Variants in COL4A2 observed in about 807,000 individuals in gnomAD.
The protein encoded by COL4A2 is collagen alpha-2(IV) chain.
In COL4A2, 99 loss-of-function variants were observed where a neutral mutation model predicts 200.2. That is an observed-to-expected ratio of 0.49 (90% CI 0.42 to 0.58). The LOEUF (loss-of-function observed/expected upper bound fraction) is 0.58. COL4A2 is among the 20% of genes least tolerant of loss of function. The pLI is 0.00. For synonymous variants in COL4A2, 897 were observed against 900.6 expected, an observed-to-expected ratio of 1.00 and a Z score of 0.07; for missense variants, 1,950 against 2,314.1, an observed-to-expected ratio of 0.84 and a Z score of 3.23.
intron 14 of COL4A2, among the ~76,000 whole-genome samples, chr13:110,438,376 C>T (rs1880980550): frequency 6.6e-6 from 1 of 152,246 alleles, no homozygotes; most frequent in Non-Finnish European, 1.5e-5. Context: ...CTCCAGCTCT[C>T]CCTCGCGGTC....
chr13:110,483,361 A>G (rs925746848), intron 32 of COL4A2, among the ~76,000 whole-genome samples: 10 of 152,254 alleles, frequency 6.6e-5, no homozygotes, highest in African/African-American at 1.9e-4. Context: ...CAGTTCATTA[A>G]GAAACTAAGC....
At chr13:110,422,480 G>A (rs959734536) in intron 4 of COL4A2, among the ~76,000 whole-genome samples, 4 of 152,202 alleles carry the variant, frequency 2.6e-5, no homozygotes, top group Non-Finnish European at 5.9e-5. Context: ...ACACTAAAGT[G>A]CACAAGCTTC....
intron 20 of COL4A2, among the ~76,000 whole-genome samples, chr13:110,453,667 G>A (rs1415999771): frequency 6.6e-6 from 1 of 152,196 alleles, no homozygotes; most frequent in Non-Finnish European, 1.5e-5. Context: ...TAAGTCAACT[G>A]CGAACAATTT....
At position 110,449,699 on chromosome 13, in the gene COL4A2, T is replaced by G; in HGVS notation, c.1099T>G (p.Phe367Val). ...TCCAGGTGCCAGAGGTGACCCGGGA[T>G]TCCCAGGGGCCCAAGGGGAGCCAGG... ...LAKGARGDPG[F>V]PGAQGEPGSQ... Residue 367 changes from phenylalanine (F) to valine (V), a missense_variant, in exon 19 of 48, where the codon TTC (phenylalanine) becomes GTC (valine). Transcript: ENST00000360467. 6.5e-7 allele frequency: 1 copy of G among 1,548,866 alleles called. No homozygotes were observed. The highest frequency in any genetic ancestry group is 1.2e-5 in the South Asian group (1 of 83,986).
chr13:110,469,016 T>C (rs930655208), intron 27 of COL4A2, among the ~76,000 whole-genome samples: 1 of 152,194 alleles, frequency 6.6e-6, no homozygotes, highest in Admixed American at 6.5e-5. Flanking sequence ...ATTATCATTC[T>C]TATGGTTCCA....
chr13:110,381,808 T>A (rs1878504153), intron 4 of COL4A2, among the ~76,000 whole-genome samples: 1 of 152,194 alleles, frequency 6.6e-6, no homozygotes. Flanking sequence ...CGCATCATCA[T>A]CTTCATATCA....
At chr13:110,376,374 A>G (rs1015183195) in intron 4 of COL4A2, among the ~76,000 whole-genome samples, 1 of 151,988 alleles carries the variant, frequency 6.6e-6, no homozygotes, top group Non-Finnish European at 1.5e-5. Context: ...TTGATATCAC[A>G]TGAGCCTCTG....
intron 4 of COL4A2, among the ~76,000 whole-genome samples, chr13:110,373,698 T>A (rs908508806): frequency 1.3e-5 from 2 of 152,254 alleles, no homozygotes; most frequent in Non-Finnish European, 2.9e-5. Flanking sequence ...TGTGAGGACG[T>A]AGAAATCCAG....
intron 4 of COL4A2, among the ~76,000 whole-genome samples, chr13:110,420,014 G>A (rs1880186909): frequency 6.6e-6 from 1 of 152,190 alleles, no homozygotes; most frequent in South Asian, 2.1e-4. Flanking sequence ...TCGTGCATTG[G>A]TTCTCAAACT....
intron 33 of COL4A2, 87 bp downstream of exon 33, chr13:110,485,114 G>T: frequency 8.2e-7 from 1 of 1,220,730 alleles, no homozygotes; most frequent in Non-Finnish European, 1.1e-6. Flanking sequence ...CCCCAGAGAC[G>T]CCCGTGCCCT....
At chr13:110,460,629 G>A (rs1275791685) in intron 22 of COL4A2, among the ~76,000 whole-genome samples, 1 of 152,210 alleles carries the variant, frequency 6.6e-6, no homozygotes, top group African/African-American at 2.4e-5. Flanking sequence ...TGTGCCTGGT[G>A]TCCTGCACTG....
At position 110,503,969 on chromosome 13, in the gene COL4A2, C is replaced by A; in HGVS notation, c.4261C>A (p.Pro1421Thr). Residue 1421 changes from proline to threonine, a missense_variant, in exon 44 of 48, where the codon CCC becomes ACC. By Grantham distance (38) the Pro-to-Thr change is conservative. Around this residue, in one of 2 missense-constraint regions of COL4A2, gnomAD observed 1,385 missense variants for 1,720.5 expected, o/e 0.80. Transcript: ENST00000360467. The part of the protein sequence containing the change: ...GPPGAPGEMG[P>T]QGPPGEPGFR... ...CCCTGGGGCACCGGGGGAGATGGGG[C>A]CCCAGGGCCCCCCCGGAGAACCAGG... 6.4e-7 allele frequency: 1 copy of A among 1,560,574 alleles called. No individual in the cohort carries two copies.
chr13:110,389,725 G>C lies in COL4A2; in HGVS notation c.180+32173G>C, dbSNP rs1248375909. On this transcript the variant is annotated intron_variant, in intron 4 of 47. Transcript: ENST00000360467. ...TCCAAGAGGAAAGCTGGCCCCAGAA[G>C]CAGGCTGCTGTTCAGGGCCTCCTTG... Among the ~76,000 whole-genome samples, 3 of 152,354 alleles carry C rather than the reference G, an allele frequency of 2.0e-5. No individual in the cohort carries two copies. In the East Asian group the frequency reaches 5.8e-4, roughly 29 times the overall value.
At chr13:110,335,212 C>T (rs1203393905) in intron 3 of COL4A2, among the ~76,000 whole-genome samples, 1 of 152,174 alleles carries the variant, frequency 6.6e-6, no homozygotes, top group Non-Finnish European at 1.5e-5. Flanking sequence ...GTGTCTCCAA[C>T]ACAGGCGACT....
chr13:110,458,942 G>A lies in COL4A2; in HGVS notation c.1596+8G>A. 6.5e-7 allele frequency: 1 copy of A among 1,541,022 alleles called. No homozygotes were observed. The highest frequency in any genetic ancestry group is 2.3e-5 in the East Asian group (1 of 43,620). On this transcript the variant is annotated splice_region_variant and intron_variant, in intron 22 of 47. Coordinates refer to ENST00000360467, the MANE Select transcript of COL4A2 (RefSeq NM_001846.4). ...GGGTTCCCAGGGCTCAAGGTGAGGA[G>A]CAATTTCATCATGAAGCTGGCAAGA...
chr13:110,466,384 C>T (rs1332951928), intron 26 of COL4A2, among the ~76,000 whole-genome samples: 2 of 152,166 alleles, frequency 1.3e-5, no homozygotes, highest in South Asian at 2.1e-4. Flanking sequence ...CCAGCCCAGA[C>T]GGTGGCGAGG....
chr13:110,395,803 G>A (rs894917073), intron 4 of COL4A2, among the ~76,000 whole-genome samples: 6 of 152,156 alleles, frequency 3.9e-5, no homozygotes, highest in Admixed American at 1.3e-4. Context: ...AAATTAGCCA[G>A]GTTTGGTGGC....
intron 3 of COL4A2, among the ~76,000 whole-genome samples, chr13:110,330,144 G>A (rs568969182): frequency 2.0e-5 from 3 of 152,152 alleles, no homozygotes; most frequent in Admixed American, 6.5e-5. Context: ...GCTTTCCACG[G>A]CCCCTTTAAC....
At chr13:110,465,661 C>A in intron 25 of COL4A2, 55 bp downstream of exon 25, 1 of 1,454,926 alleles carries the variant, frequency 6.9e-7, no homozygotes, top group East Asian at 2.3e-5. Flanking sequence ...TCCACGCTTT[C>A]CTTTGTCAGT....
Sources: gnomAD v4.1 joint callset for allele counts (sites outside exome capture counted in the v4.1 genomes callset) on GRCh38, gnomAD v4.1.1 for gene constraint, gnomAD v4.1.1 regional missense constraint, MANE v1.5 for transcripts, NCBI Gene and HGNC (gene_info 2026-07-23, HGNC 2026-07-21) for gene names.